The following REEP1 variants were observed in gnomAD, a reference collection of about 807,000 sequenced individuals.
The protein encoded by REEP1 is receptor expression-enhancing protein 1.
Under a neutral mutation model 40.3 loss-of-function variants are expected in REEP1, and 22 were observed. The ratio of observed to expected loss-of-function variants is 0.55; its 90% CI spans 0.39 to 0.78. REEP1 has a LOEUF of 0.78. Ranked by LOEUF, REEP1 falls within the 30% of genes least tolerant of loss-of-function variation. REEP1 has a pLI of 0.00. For synonymous variants in REEP1, 116 were observed against 139.2 expected, an observed-to-expected ratio of 0.83 and a Z score of 1.17; for missense variants, 280 against 361.1, an observed-to-expected ratio of 0.78 and a Z score of 1.82.
At chr2:86,324,690 C>A (rs894194007) in intron 1 of REEP1, among the ~76,000 whole-genome samples, 1 of 152,020 alleles carries the variant, frequency 6.6e-6, no homozygotes, top group Non-Finnish European at 1.5e-5. Flanking sequence ...GGATAAAAAG[C>A]CCCAGGATAG....
intron 1 of REEP1, among the ~76,000 whole-genome samples, chr2:86,320,888 G>T (rs768449566): frequency 6.6e-6 from 1 of 152,188 alleles, no homozygotes; most frequent in Non-Finnish European, 1.5e-5. Context: ...GCACGATCTC[G>T]GCTCACGGCA....
chr2:86,335,153 T>A (rs957679814), intron 1 of REEP1, among the ~76,000 whole-genome samples: 12 of 152,194 alleles, frequency 7.9e-5, no homozygotes, highest in African/African-American at 2.7e-4. Flanking sequence ...TTGAAGAATA[T>A]GCCCTCCATC....
At chr2:86,308,925 C>T (rs1195722577) in intron 1 of REEP1, among the ~76,000 whole-genome samples, 1 of 152,162 alleles carries the variant, frequency 6.6e-6, no homozygotes, top group Admixed American at 6.5e-5. Flanking sequence ...ACTGGAGAGT[C>T]CTGGAAGGCC....
At chr2:86,329,838 C>T (rs149528852) in intron 1 of REEP1, among the ~76,000 whole-genome samples, 14 of 152,260 alleles carry the variant, frequency 9.2e-5, no homozygotes, top group South Asian at 2.1e-4. Flanking sequence ...ATAAGGGAGA[C>T]GAAGCAGATG....
chr2:86,263,898 C>T lies in REEP1; in HGVS notation c.182+67G>A. 6 of 1,219,244 alleles carry T rather than the reference C, an allele frequency of 4.9e-6. No homozygotes were observed. The South Asian group carries it at 6.0e-5, about 12-fold the overall frequency. 75.5% of individuals were successfully genotyped at this position (1,219,244 alleles called of 1,614,324 possible). A position where few individuals can be genotyped will look rare whatever the true frequency, so the allele number is the denominator to read the frequency against. ...GTTTGAGGCTGGGTTCAGCCCTTTC[C>T]CACCTCCCCCTGAGTGACACTAAGC... On this transcript the variant is annotated intron_variant, in intron 3 of 8. Transcript: ENST00000538924.
intron 7 of REEP1, among the ~76,000 whole-genome samples, chr2:86,223,153 G>A (rs1674514941): frequency 6.6e-6 from 1 of 152,242 alleles, no homozygotes; most frequent in South Asian, 2.1e-4. Flanking sequence ...TCTAGGAAAG[G>A]GCAGGGTTTC....
chr2:86,218,784 G>A (rs560664370), intron 8 of REEP1, among the ~76,000 whole-genome samples: 2 of 152,306 alleles, frequency 1.3e-5, no homozygotes, highest in East Asian at 3.9e-4. Flanking sequence ...GCCTCACCTT[G>A]CAAAGGAACC....
chr2:86,316,502 C>T (rs1436190260), intron 1 of REEP1, among the ~76,000 whole-genome samples: 2 of 137,888 alleles, frequency 1.5e-5, no homozygotes, highest in African/African-American at 5.6e-5. Context: ...GAGCCGAGAT[C>T]GTGCCATTGC....
intron 6 of REEP1, among the ~76,000 whole-genome samples, chr2:86,230,629 G>A (rs1674957699): frequency 1.3e-5 from 2 of 152,222 alleles, no homozygotes; most frequent in South Asian, 4.1e-4. Flanking sequence ...CTTCTCAGGA[G>A]AGACAAATTA....
chr2:86,263,744 G>A lies in REEP1; in HGVS notation c.182+221C>T, dbSNP rs116446587. ...TCCTGTCCATGACTATATCCCCAGG[G>A]CTTAGAATAATAACTGCTCTTTATA... On this transcript the variant is annotated intron_variant, in intron 3 of 8. Coordinates refer to ENST00000538924, the MANE Select transcript of REEP1 (RefSeq NM_001371279.1). Among the ~76,000 whole-genome samples, 792 of 152,232 alleles carry A rather than the reference G, an allele frequency of 5.2e-3. 2 individuals carry two copies. The highest frequency in any genetic ancestry group is 8.4e-3 in the Non-Finnish European group (574 of 68,008).
At chr2:86,292,981 A>C (rs1678803706) in intron 1 of REEP1, among the ~76,000 whole-genome samples, 1 of 152,248 alleles carries the variant, frequency 6.6e-6, no homozygotes, top group South Asian at 2.1e-4. Context: ...CAGGCACTGT[A>C]CAAGGCACTG....
intron 7 of REEP1, among the ~76,000 whole-genome samples, chr2:86,226,075 T>TCACCACCACCAC (rs70956105): frequency 0.26 from 29,104 of 111,504 alleles, 5,563 homozygotes; most frequent in Non-Finnish European, 0.38. Context: ...CTCCAGGCTA[T>TCACCACCACCAC]CACCACCACC....
At chr2:86,316,229 C>T (rs1042315476) in intron 1 of REEP1, among the ~76,000 whole-genome samples, 41 of 152,160 alleles carry the variant, frequency 2.7e-4, no homozygotes, top group Admixed American at 2.6e-3. Context: ...AACTGATATA[C>T]CTGCAAACCT....
chr2:86,245,532 T>G (rs1047762250), intron 5 of REEP1, among the ~76,000 whole-genome samples: 1 of 152,244 alleles, frequency 6.6e-6, no homozygotes, highest in Admixed American at 6.5e-5. Flanking sequence ...TATGACGCAC[T>G]GCCTCCTTTT....
At chr2:86,246,010 C>A (rs927276048) in intron 5 of REEP1, among the ~76,000 whole-genome samples, 2 of 152,100 alleles carry the variant, frequency 1.3e-5, no homozygotes, top group Admixed American at 1.3e-4. Context: ...GTGATCCGCC[C>A]GCCTTGGCCT....
chr2:86,335,845 G>A (rs1680998308), intron 1 of REEP1, among the ~76,000 whole-genome samples: 1 of 81,972 alleles, frequency 1.2e-5, no homozygotes, highest in East Asian at 3.7e-4. Context: ...AGCGAGACTC[G>A]GTCTCAAAAA....
chr2:86,299,265 A>G (rs1006583950), intron 1 of REEP1, among the ~76,000 whole-genome samples: 3 of 152,178 alleles, frequency 2.0e-5, no homozygotes, highest in Admixed American at 2.0e-4. Flanking sequence ...CTTCTAATGC[A>G]TTGGACTAGA....
At chr2:86,309,611 G>C (rs1395101078) in intron 1 of REEP1, among the ~76,000 whole-genome samples, 1 of 152,196 alleles carries the variant, frequency 6.6e-6, no homozygotes, top group Non-Finnish European at 1.5e-5. Context: ...CTGTGATCGG[G>C]TGCCAGCATG....
At chr2:86,231,604 A>G (rs1375853962) in intron 6 of REEP1, among the ~76,000 whole-genome samples, 1 of 152,148 alleles carries the variant, frequency 6.6e-6, no homozygotes, top group East Asian at 1.9e-4. Flanking sequence ...CTCTGTTTAT[A>G]GATTTAAGGG....
Sources: gnomAD v4.1 joint callset for allele counts (sites outside exome capture counted in the v4.1 genomes callset) on GRCh38, gnomAD v4.1.1 for gene constraint, MANE v1.5 for transcripts, NCBI Gene and HGNC (gene_info 2026-07-23, HGNC 2026-07-21) for gene names.